NDNF: variants seen among roughly 807,000 people sequenced by gnomAD.
The protein encoded by NDNF is protein NDNF.
A neutral mutation model predicts 42.0 loss-of-function variants in NDNF; 16 were observed. The ratio of observed to expected loss-of-function variants is 0.38; its 90% confidence interval spans 0.26 to 0.58. The LOEUF (loss-of-function observed/expected upper bound fraction) is 0.58. NDNF is among the 20% of genes least tolerant of loss of function. NDNF has a pLI of 0.67. For synonymous variants in NDNF, 248 were observed against 251.7 expected, an observed-to-expected ratio of 0.99 and a Z score of 0.14; for missense variants, 616 against 666.2, an observed-to-expected ratio of 0.92 and a Z score of 0.83.
intron 1 of NDNF, among the ~76,000 whole-genome samples, chr4:121,065,973 A>G (rs963226423): frequency 6.6e-6 from 1 of 152,090 alleles, no homozygotes; most frequent in Non-Finnish European, 1.5e-5. Flanking sequence ...TAAAAATAAA[A>G]TTAATTTAAA....
intron 1 of NDNF, among the ~76,000 whole-genome samples, chr4:121,046,730 T>C (rs1393027801): frequency 6.6e-6 from 1 of 152,240 alleles, no homozygotes; most frequent in Non-Finnish European, 1.5e-5. Flanking sequence ...TCACTGACTT[T>C]CATCAAAGAT....
chr4:121,038,853 G>A (rs1016792153), intron 3 of NDNF: 1 of 151,522 alleles, frequency 6.6e-6, no homozygotes, highest in Non-Finnish European at 1.5e-5. Context: ...TGGGCGTAGT[G>A]GCATGCACCT....
chr4:121,045,936 G>A (rs1357482944), intron 1 of NDNF, 98 bp from the exon 2 acceptor site: 6 of 1,089,100 alleles, frequency 5.5e-6, no homozygotes, highest in African/African-American at 1.6e-5. Flanking sequence ...AGCTTTGATG[G>A]AAATTTAGGG....
In NDNF at chr4:121,036,661, G is replaced by A. The variant is rs1726874612; in HGVS notation, c.1310C>T (p.Thr437Ile). The change falls in exon 4 of 4, where the codon ACA (threonine) becomes ATA (isoleucine). Residue 437 changes from threonine to isoleucine, a missense_variant. Coordinates refer to ENST00000379692, the MANE Select transcript of NDNF (RefSeq NM_024574.4). ...GASMLKILAT[T>I]RPTKQSFPSL... ...GGGAAATGACTGCTTAGTAGGCCTT[G>A]TGGTAGCTAGAATTTTCAACATAGA... The A allele has an allele frequency of 3.7e-6, 6 of 1,614,152 alleles. No individual in the cohort carries two copies. The East Asian group carries it at 1.3e-4, about 36-fold the overall frequency.
At chr4:121,048,236 G>A (rs1187840662) in intron 1 of NDNF, among the ~76,000 whole-genome samples, 2 of 152,188 alleles carry the variant, frequency 1.3e-5, no homozygotes, top group African/African-American at 4.8e-5. Context: ...TTTAGAAATA[G>A]CTAGAATTTC....
At chr4:121,071,198 G>A (rs1042040262) in intron 1 of NDNF, among the ~76,000 whole-genome samples, 1 of 152,168 alleles carries the variant, frequency 6.6e-6, no homozygotes, top group African/African-American at 2.4e-5. Flanking sequence ...CGCACAGACA[G>A]GACGAGGGCA....
At chr4:121,066,586 G>A (rs913822982) in intron 1 of NDNF, among the ~76,000 whole-genome samples, 4 of 152,266 alleles carry the variant, frequency 2.6e-5, no homozygotes, top group Middle Eastern at 3.4e-3. Context: ...TGTCTGTCTT[G>A]TATATACCAA....
intron 1 of NDNF, among the ~76,000 whole-genome samples, chr4:121,070,261 T>G (rs1211443923): frequency 2.6e-5 from 4 of 152,122 alleles, no homozygotes; most frequent in East Asian, 1.9e-4. Context: ...CTCACTACAC[T>G]CTGCTTTATA....
At position 121,039,202 on chromosome 4, in the gene NDNF, A is replaced by AAAGACTATGTATG. The variant is rs1560603272; in HGVS notation, c.313+727_313+728insCATACATAGTCTT. Among the ~76,000 whole-genome samples, 122 of 27,740 alleles carry AAAGACTATGTATG rather than the reference A, an allele frequency of 4.4e-3. 2 individuals carry two copies. The highest frequency in any genetic ancestry group is 0.03 in the East Asian group (12 of 406). 18.2% of individuals were successfully genotyped at this position (27,740 alleles called of 152,430 possible). A position where few individuals can be genotyped will look rare whatever the true frequency, so the allele number is the denominator to read the frequency against. ...TATGTGTGTGTGTGTGTATATATATATATATATATATATATATATATATAT... is the reference window on the plus strand; with the variant it reads ...TATGTGTGTGTGTGTGTATATATATAAAGACTATGTATGTATATATATATATATATATATATAT... On this transcript the variant is annotated intron_variant, in intron 3 of 3. Transcript: ENST00000379692.
At position 121,068,125 on chromosome 4, in the gene NDNF, T is replaced by C. The variant is rs150472520; in HGVS notation, c.-2+3868A>G. Among the ~76,000 whole-genome samples the C allele has an allele frequency of 1.1e-3, 164 of 152,346 alleles. 1 individual carries two copies. The highest frequency in any genetic ancestry group is 3.0e-3 in the African/African-American group (125 of 41,582). On this transcript the variant is annotated intron_variant, in intron 1 of 3. Transcript: ENST00000379692. ...TGATACAATAAAGTATTAGCATTCT[T>C]GTTTTTCTGTCTCATACTACATGAT...
At chr4:121,060,513 C>T (rs1399628588) in intron 1 of NDNF, among the ~76,000 whole-genome samples, 1 of 151,878 alleles carries the variant, frequency 6.6e-6, no homozygotes, top group South Asian at 2.1e-4. Flanking sequence ...AAAGTTTATT[C>T]CCCCAAGCAG....
At chr4:121,065,914 AAAAT>A (rs1248916383) in intron 1 of NDNF, among the ~76,000 whole-genome samples, 4 of 152,122 alleles carry the variant, frequency 2.6e-5, no homozygotes, top group Non-Finnish European at 5.9e-5. Context: ...AGGACACTGA[AAAAT>A]AAAATTAATT....
intron 1 of NDNF, among the ~76,000 whole-genome samples, chr4:121,065,161 T>C (rs1727478705): frequency 6.6e-6 from 1 of 152,226 alleles, no homozygotes; most frequent in Non-Finnish European, 1.5e-5. Flanking sequence ...TCTGCCGTTC[T>C]TTGTTGTTCC....
At chr4:121,046,907 AT>A (rs993263886) in intron 1 of NDNF, among the ~76,000 whole-genome samples, 13 of 151,620 alleles carry the variant, frequency 8.6e-5, no homozygotes, top group African/African-American at 2.9e-4. Flanking sequence ...ACCATTTGGT[AT>A]TTTTTTTTCC....
intron 3 of NDNF, 141 bp downstream of exon 3, chr4:121,039,789 C>T: frequency 1.1e-6 from 1 of 906,626 alleles, no homozygotes; most frequent in Non-Finnish European, 1.6e-6. Context: ...CCTCCCACTT[C>T]CCTTATCTCC....
At chr4:121,037,946 C>T in intron 3 of NDNF, 1 of 293,286 alleles carries the variant, frequency 3.4e-6, no homozygotes, top group East Asian at 6.0e-5. Context: ...TTAATCCTAA[C>T]TGTCAATCTG....
chr4:121,050,297 A>G (rs1183526085), intron 1 of NDNF, among the ~76,000 whole-genome samples: 1 of 152,230 alleles, frequency 6.6e-6, no homozygotes, highest in African/African-American at 2.4e-5. Flanking sequence ...AAATTGCTTT[A>G]TAAGAACAGA....
chr4:121,038,066 C>T (rs909906111), intron 3 of NDNF: 1 of 158,834 alleles, frequency 6.3e-6, no homozygotes, highest in African/African-American at 2.4e-5. Flanking sequence ...TATAAAGTAC[C>T]AGTAAGAATA....
At position 121,037,405 on chromosome 4, in the gene NDNF, C is replaced by T. The variant is rs747243634; in HGVS notation, c.566G>A (p.Arg189His). 46 of 1,613,968 alleles carry T rather than the reference C, an allele frequency of 2.9e-5. No individual in the cohort carries two copies. Among genetic ancestry groups the T allele is most frequent in the Non-Finnish European group, 3.7e-5 (44 of 1,180,028 alleles). Residue 189 changes from arginine to histidine, a missense_variant, in exon 4 of 4, where the codon CGC (arginine) becomes CAC (histidine). Physicochemically the swap from Arg to His is conservative, Grantham distance 29 (BLOSUM62 0). Coordinates refer to ENST00000379692, the MANE Select transcript of NDNF (RefSeq NM_024574.4). Reference sequence around the variant, plus strand: ...TTTCCAGGCCAAAGTGACCGTGGTGCGCCCCAGTGAGGTCACATCTACTCT... The same window carrying T: ...TTTCCAGGCCAAAGTGACCGTGGTGTGCCCCAGTGAGGTCACATCTACTCT... ...DPRVDVTSLG[R>H]TTVTLAWKPS...
Sources: allele counts gnomAD v4.1 joint callset (sites outside exome capture counted in the v4.1 genomes callset), GRCh38; gene constraint gnomAD v4.1.1; transcripts MANE v1.5; gene names NCBI Gene and HGNC (gene_info 2026-07-23, HGNC 2026-07-21).